Variants in MAST2 observed in about 807,000 individuals in gnomAD.
MAST2 encodes the protein microtubule-associated serine/threonine-protein kinase 2.
A neutral mutation model predicts 147.4 loss-of-function variants in MAST2; 70 were observed. The observed-to-expected ratio is 0.47, with a 90% CI of 0.39 to 0.58. The LOEUF (loss-of-function observed/expected upper bound fraction) is 0.58, where lower values mean the gene tolerates loss of function less well. MAST2 is among the 20% of genes least tolerant of loss of function. The pLI is 0.00. For synonymous variants in MAST2, 869 were observed against 896.8 expected (o/e 0.97, Z 0.55); for missense variants, 2,080 against 2,302.3 (o/e 0.90, Z 1.98).
At chr1:45,927,640 CA>C (rs1418956717) in intron 4 of MAST2, among the ~76,000 whole-genome samples, 1 of 152,102 alleles carries the variant, frequency 6.6e-6, no homozygotes, top group Non-Finnish European at 1.5e-5. Context: ...GTTCTTTTTT[CA>C]AGGTGCTCAG....
intron 4 of MAST2, among the ~76,000 whole-genome samples, chr1:45,911,853 A>ATTATTAT (rs1651715072): frequency 7.4e-6 from 1 of 135,798 alleles, no homozygotes; most frequent in African/African-American, 2.8e-5. Flanking sequence ...TATTATTGTT[A>ATTATTAT]TATTATTATT....
intron 3 of MAST2, among the ~76,000 whole-genome samples, chr1:45,855,801 A>T (rs545272046): frequency 1.3e-5 from 2 of 151,944 alleles, no homozygotes; most frequent in South Asian, 4.2e-4. Context: ...GGACAGTTTT[A>T]TTTTTTCCAA....
intron 6 of MAST2, among the ~76,000 whole-genome samples, chr1:45,998,751 G>A (rs1186804943): frequency 4.0e-5 from 6 of 148,908 alleles, no homozygotes; most frequent in Non-Finnish European, 8.9e-5. Flanking sequence ...TTTTTGAGAC[G>A]GAGTCTCACT....
At chr1:45,953,243 G>T (rs1412398318) in intron 4 of MAST2, among the ~76,000 whole-genome samples, 1 of 151,804 alleles carries the variant, frequency 6.6e-6, no homozygotes, top group East Asian at 1.9e-4. Flanking sequence ...AAAAAAACTT[G>T]ATTAATTCAA....
intron 5 of MAST2, among the ~76,000 whole-genome samples, 162 bp from the exon 6 acceptor site, chr1:45,997,562 G>C (rs892353465): frequency 6.6e-6 from 1 of 152,098 alleles, no homozygotes; most frequent in East Asian, 1.9e-4. Context: ...AAAACCTCTG[G>C]GCTATGAAAC....
chr1:46,011,558 C>T (rs993403310), intron 10 of MAST2, among the ~76,000 whole-genome samples: 1 of 152,212 alleles, frequency 6.6e-6, no homozygotes, highest in East Asian at 1.9e-4. Context: ...CTATCAGCCT[C>T]TTGATTAAGG....
intron 4 of MAST2, among the ~76,000 whole-genome samples, chr1:45,908,283 G>T (rs960537961): frequency 6.6e-6 from 1 of 152,016 alleles, no homozygotes; most frequent in African/African-American, 2.4e-5. Flanking sequence ...ATGCCATGGT[G>T]GTTTGCTGCA....
intron 3 of MAST2, among the ~76,000 whole-genome samples, chr1:45,868,866 CTGT>C (rs1213719037): frequency 6.6e-6 from 1 of 152,160 alleles, no homozygotes; most frequent in Non-Finnish European, 1.5e-5. Context: ...TTATTTGCTT[CTGT>C]TGTTCTACAT....
intron 3 of MAST2, among the ~76,000 whole-genome samples, chr1:45,842,688 T>TA (rs538752144): frequency 9.5e-4 from 145 of 152,368 alleles, no homozygotes; most frequent in African/African-American, 3.2e-3. Flanking sequence ...CACAACTTTT[T>TA]ATCCATTGAT....
At position 45,829,528 on chromosome 1, in the gene MAST2, C is replaced by T. The variant is rs1557811871; in HGVS notation, c.415C>T (p.Arg139Ter). 4 of 1,614,142 alleles carry T rather than the reference C, an allele frequency of 2.5e-6. No homozygotes were observed. The highest frequency in any genetic ancestry group is 2.5e-6 in the Non-Finnish European group (3 of 1,180,004). The change falls in exon 3 of 29, where the codon CGA becomes TGA. Residue 139 changes from arginine to a stop codon, truncating the protein, a stop_gained. Coordinates refer to ENST00000361297, the MANE Select transcript of MAST2 (RefSeq NM_015112.3). LOFTEE classifies it high-confidence loss of function. ...GTCAGGAGAAGCATCAAACCTGGTT[C>T]GAATGAGAAACCAGTCCCTTGGACA... ...QSSGEASNLV[R>*]MRNQSLGQSA...
At chr1:45,824,027 C>G (rs538138633) in intron 1 of MAST2, among the ~76,000 whole-genome samples, 2 of 152,166 alleles carry the variant, frequency 1.3e-5, no homozygotes, top group African/African-American at 2.4e-5. Context: ...AGAGATATTT[C>G]TGACTTTATA....
At chr1:45,964,263 A>G (rs1355542517) in intron 5 of MAST2, among the ~76,000 whole-genome samples, 3 of 152,126 alleles carry the variant, frequency 2.0e-5, no homozygotes, top group South Asian at 2.1e-4. Flanking sequence ...GTCTTTTTCT[A>G]TTGATTGGAA....
chr1:45,923,925 G>A (rs1480777528), intron 4 of MAST2, among the ~76,000 whole-genome samples: 1 of 152,106 alleles, frequency 6.6e-6, no homozygotes, highest in East Asian at 1.9e-4. Flanking sequence ...AGGCTGGAGT[G>A]CAGTAGCATG....
At chr1:45,899,675 A>T (rs1382394815) in intron 4 of MAST2, among the ~76,000 whole-genome samples, 1 of 152,104 alleles carries the variant, frequency 6.6e-6, no homozygotes, top group Admixed American at 6.5e-5. Flanking sequence ...TCCATGGTAT[A>T]TATGTACCAC....
chr1:45,880,830 A>T (rs1024577497), intron 3 of MAST2, among the ~76,000 whole-genome samples: 2 of 152,000 alleles, frequency 1.3e-5, no homozygotes, highest in Non-Finnish European at 2.9e-5. Context: ...AAAATACAAA[A>T]AAATTAGCTG....
At chr1:45,858,121 T>G (rs1557838877) in intron 3 of MAST2, among the ~76,000 whole-genome samples, 1 of 152,188 alleles carries the variant, frequency 6.6e-6, no homozygotes. Context: ...CCTTTGGGTA[T>G]ATACCCAGTA....
chr1:45,968,375 A>G (rs961750449), intron 5 of MAST2, among the ~76,000 whole-genome samples: 2 of 152,062 alleles, frequency 1.3e-5, no homozygotes, highest in Non-Finnish European at 2.9e-5. Flanking sequence ...ATCTACTGCT[A>G]TAGAATCCCC....
intron 5 of MAST2, among the ~76,000 whole-genome samples, chr1:45,972,062 G>C (rs1160347850): frequency 1.3e-5 from 2 of 152,176 alleles, no homozygotes; most frequent in African/African-American, 4.8e-5. Context: ...AGATCCAGCT[G>C]CCAATTCCAG....
intron 4 of MAST2, among the ~76,000 whole-genome samples, chr1:45,938,594 C>A (rs1656647738): frequency 6.6e-6 from 1 of 152,152 alleles, no homozygotes. Context: ...CCCAAAGTGC[C>A]AAGATTACAG....
Sources: gnomAD v4.1 joint callset for allele counts (sites outside exome capture counted in the v4.1 genomes callset) on GRCh38, gnomAD v4.1.1 for gene constraint, MANE v1.5 for transcripts, NCBI Gene and HGNC (gene_info 2026-07-23, HGNC 2026-07-21) for gene names.